EYA2: variants seen among roughly 807,000 people sequenced by gnomAD.
EYA2 encodes the protein protein phosphatase EYA2.
In EYA2, 31 loss-of-function variants were observed where a neutral mutation model predicts 69.2. The ratio of observed to expected loss-of-function variants is 0.45; its 90% CI spans 0.34 to 0.60. The LOEUF is 0.60. Ranked by LOEUF, EYA2 falls within the 20% of genes least tolerant of loss-of-function variation. The pLI, the probability that EYA2 is intolerant of heterozygous loss-of-function variation, is 0.02. For synonymous variants in EYA2, 257 were observed against 279.4 expected, an observed-to-expected ratio of 0.92 and a Z score of 0.80; for missense variants, 622 against 701.2, an observed-to-expected ratio of 0.89 and a Z score of 1.28.
intron 6 of EYA2, among the ~76,000 whole-genome samples, chr20:47,073,908 T>C (rs2031411453): frequency 1.3e-5 from 2 of 152,104 alleles, no homozygotes. Context: ...CAGAAGCACC[T>C]ATGCAGGCTG....
At chr20:46,979,161 C>T (rs1174446952) in intron 1 of EYA2, among the ~76,000 whole-genome samples, 1 of 152,240 alleles carries the variant, frequency 6.6e-6, no homozygotes, top group Admixed American at 6.5e-5. Context: ...CTGGTGTACT[C>T]ACGGGGGTGT....
At chr20:47,154,345 C>T (rs2033879519) in intron 10 of EYA2, among the ~76,000 whole-genome samples, 1 of 152,040 alleles carries the variant, frequency 6.6e-6, no homozygotes, top group Non-Finnish European at 1.5e-5. Context: ...AGAGGCCCTA[C>T]CTCTAAATAC....
intron 9 of EYA2, among the ~76,000 whole-genome samples, chr20:47,102,090 G>A (rs1484951548): frequency 6.6e-6 from 1 of 152,198 alleles, no homozygotes; most frequent in African/African-American, 2.4e-5. Context: ...AGATGTTTAA[G>A]CAATGTTCTT....
At chr20:47,127,271 A>C (rs2080947267) in intron 9 of EYA2, among the ~76,000 whole-genome samples, 1 of 152,218 alleles carries the variant, frequency 6.6e-6, no homozygotes, top group African/African-American at 2.4e-5. Flanking sequence ...CCAAATTCCC[A>C]AACATCTACC....
At position 47,072,234 on chromosome 20, in the gene EYA2, T is replaced by A; in HGVS notation, c.465T>A (p.Gly155=). Residue 155 remains glycine, a synonymous_variant, in exon 6 of 16, where the codon GGT becomes GGA. Coordinates refer to ENST00000327619, the MANE Select transcript of EYA2 (RefSeq NM_005244.5). ...QGGNGLGNAA[G]FGSVHQDYPS... ...GAAATGGACTGGGCAACGCAGCCGG[T>A]TTCGGGAGTGTGCACCAGGTAGACA... 1 of 1,612,466 alleles carries A rather than the reference T, an allele frequency of 6.2e-7. No homozygotes were observed. Among genetic ancestry groups the A allele is most frequent in the Non-Finnish European group, 8.5e-7 (1 of 1,179,208 alleles).
At chr20:47,173,747 G>A (rs1218909781) in intron 12 of EYA2, among the ~76,000 whole-genome samples, 6 of 152,020 alleles carry the variant, frequency 3.9e-5, no homozygotes, top group Non-Finnish European at 8.8e-5. Context: ...TGACAAGCCC[G>A]CCAGGTGACT....
intron 5 of EYA2, among the ~76,000 whole-genome samples, chr20:47,067,298 C>A (rs975832884): frequency 1.3e-5 from 2 of 152,054 alleles, no homozygotes; most frequent in Admixed American, 1.3e-4. Flanking sequence ...CCATGGTAAC[C>A]AGAACCAAAC....
At chr20:47,156,107 C>CAA (rs1568814016) in intron 10 of EYA2, among the ~76,000 whole-genome samples, 1 of 19,916 alleles carries the variant, frequency 5.0e-5, no homozygotes, top group African/African-American at 2.8e-4. Flanking sequence ...CACACACACA[C>CAA]ACACACACAC....
At chr20:47,160,548 G>C (rs1042376925) in intron 10 of EYA2, among the ~76,000 whole-genome samples, 7 of 152,072 alleles carry the variant, frequency 4.6e-5, no homozygotes, top group Non-Finnish European at 1.0e-4. Flanking sequence ...GGTATATGTC[G>C]AAGGGAAAGC....
Position 46,990,050 on chromosome 20 carries a change from A to G in EYA2, c.40A>G (p.Ser14Gly). The change falls in exon 2 of 16, where the codon AGC becomes GGC. Residue 14 changes from serine to glycine, a missense_variant. Physicochemically the swap from Ser to Gly is moderately conservative, Grantham distance 56. Transcript: ENST00000327619. ...LVISPSLTVN[S>G]DCLDKLKFNR... ...GATCTCACCCAGCCTCACTGTAAAC[A>G]GCGATTGTCTGGATAAACTGAAGTT... 6 of 1,612,828 alleles carry G rather than the reference A, an allele frequency of 3.7e-6. No homozygotes were observed. The highest frequency in any genetic ancestry group is 4.2e-6 in the Non-Finnish European group (5 of 1,178,812).
chr20:47,024,628 G>A (rs569807910), intron 5 of EYA2, among the ~76,000 whole-genome samples: 5 of 152,142 alleles, frequency 3.3e-5, no homozygotes, highest in South Asian at 2.1e-4. Context: ...ATTAGCCTCC[G>A]CTGACTTGCA....
chr20:47,123,922 G>A (rs908907639), intron 9 of EYA2, among the ~76,000 whole-genome samples: 2 of 151,792 alleles, frequency 1.3e-5, no homozygotes, highest in Admixed American at 6.6e-5. Context: ...AACCCAAGAG[G>A]CAGAGGTTGC....
rs1328618141 is a variant in EYA2, at chr20:47,161,317, A to G, written c.979-7822A>G. 2.8e-5 allele frequency: 14 copies of G among 508,968 alleles called. No individual in the cohort carries two copies. In the East Asian group the frequency reaches 7.0e-4, roughly 26 times the overall value. The allele number at this position is 508,968 out of a possible 1,614,324, so 31.5% of individuals were successfully genotyped here. ...CTTGGAGCACTTAACACCCAGATCGACATACCATTATAGTCACCGATGACA... is the reference window on the plus strand; with the variant it reads ...CTTGGAGCACTTAACACCCAGATCGGCATACCATTATAGTCACCGATGACA... On this transcript the variant is annotated intron_variant, in intron 10 of 15. Transcript: ENST00000327619.
intron 5 of EYA2, among the ~76,000 whole-genome samples, chr20:47,031,318 C>T (rs963459084): frequency 5.3e-5 from 8 of 152,122 alleles, no homozygotes; most frequent in Admixed American, 5.2e-4. Context: ...TTGGCCGGTG[C>T]TCAGGCACCG....
chr20:47,167,864 G>A (rs1245961386), intron 10 of EYA2, among the ~76,000 whole-genome samples: 1 of 152,122 alleles, frequency 6.6e-6, no homozygotes, highest in Non-Finnish European at 1.5e-5. Context: ...GCGCATCTTT[G>A]GGGGTTCGTT....
chr20:46,992,558 C>A (rs1455307443), intron 2 of EYA2, among the ~76,000 whole-genome samples: 2 of 152,154 alleles, frequency 1.3e-5, no homozygotes, highest in Non-Finnish European at 1.5e-5. Flanking sequence ...ACTTGTAAAC[C>A]ACTTCTAACT....
intron 1 of EYA2, among the ~76,000 whole-genome samples, chr20:46,925,274 A>G (rs754451170): frequency 4.3e-4 from 66 of 152,328 alleles, no homozygotes; most frequent in Middle Eastern, 6.8e-3. Flanking sequence ...ACACAATTCA[A>G]TCCATAGCAG....
At chr20:47,043,388 A>G (rs539627521) in intron 5 of EYA2, among the ~76,000 whole-genome samples, 11 of 152,286 alleles carry the variant, frequency 7.2e-5, no homozygotes, top group African/African-American at 2.6e-4. Flanking sequence ...GAGTCTCAGG[A>G]AGGAGGTGTC....
chr20:47,172,257 G>A (rs1343294049), intron 11 of EYA2, among the ~76,000 whole-genome samples: 5 of 151,962 alleles, frequency 3.3e-5, no homozygotes, highest in Non-Finnish European at 7.4e-5. Context: ...AACATAGAGA[G>A]ACTCCATCTC....
Sources: gnomAD v4.1 joint callset for allele counts (sites outside exome capture counted in the v4.1 genomes callset) on GRCh38, gnomAD v4.1.1 for gene constraint, MANE v1.5 for transcripts, NCBI Gene and HGNC (gene_info 2026-07-23, HGNC 2026-07-21) for gene names.